SKI: variants seen among roughly 807,000 people sequenced by gnomAD.
SKI encodes SKI proto-oncogene.
Under a neutral mutation model 59.3 loss-of-function variants are expected in SKI, and 23 were observed. The ratio of observed to expected loss-of-function variants is 0.39; its 90% CI spans 0.28 to 0.55. The LOEUF (loss-of-function observed/expected upper bound fraction) is 0.55, where lower values mean the gene tolerates loss of function less well. Among genes scored for constraint, SKI ranks in the 20% least tolerant of loss-of-function variants. SKI has a pLI of 0.67. For missense variants in SKI, 1,017 were observed against 1,038.9 expected (o/e 0.98, Z 0.29); for synonymous variants, 673 against 488.6 (o/e 1.38, Z -4.98).
chr1:2,280,066 C>T (rs1021362346), intron 1 of SKI, among the ~76,000 whole-genome samples: 4 of 152,144 alleles, frequency 2.6e-5, no homozygotes, highest in South Asian at 2.1e-4. Context: ...ACCTGAACCC[C>T]CTCTGGAAGG....
chr1:2,306,396 C>G, intron 6 of SKI, 146 bp downstream of exon 6: 2 of 1,004,842 alleles, frequency 2.0e-6, no homozygotes, highest in Admixed American at 2.7e-5. Context: ...CCGACGGGCA[C>G]AGGGTGGGTG....
chr1:2,262,882 A>G (rs1639418132), intron 1 of SKI, among the ~76,000 whole-genome samples: 1 of 152,042 alleles, frequency 6.6e-6, no homozygotes, highest in Non-Finnish European at 1.5e-5. Context: ...ATTATTTTAG[A>G]ATATTGTTGA....
rs553382550 is a variant in SKI, at chr1:2,302,970, G to C, written c.970-8G>C. On this transcript the variant is annotated splice_polypyrimidine_tract_variant and splice_region_variant and intron_variant, in intron 1 of 6. Transcript: ENST00000378536. The stretch of plus-strand genomic sequence containing the variant: ...ACAGGTGCCAACAAAACCTTTCATT[G>C]ATCGCAGGTCTCCTCTGAGCCTCCG... 1.2e-6 allele frequency: 2 copies of C among 1,613,426 alleles called. No individual in the cohort carries two copies. Among genetic ancestry groups the C allele is most frequent in the Admixed American group, 3.3e-5 (2 of 60,032 alleles).
In SKI at chr1:2,290,265, C is replaced by T. The variant is rs1640132500; in HGVS notation, c.970-12713C>T. ...CTACTTCTCAGCCTCTTGAGAGGGCCTCCAGGGCACAGGCAGGGAGCAGCT... is the reference window on the plus strand; with the variant it reads ...CTACTTCTCAGCCTCTTGAGAGGGCTTCCAGGGCACAGGCAGGGAGCAGCT... On this transcript the variant is annotated intron_variant, in intron 1 of 6. Coordinates refer to ENST00000378536, the MANE Select transcript of SKI (RefSeq NM_003036.4). 3.9e-5 allele frequency among the ~76,000 whole-genome samples: 6 copies of T among 152,264 alleles called. No individual in the cohort carries two copies. The South Asian group carries it at 1.2e-3, about 32-fold the overall frequency.
chr1:2,279,139 C>T (rs973059315), intron 1 of SKI, among the ~76,000 whole-genome samples: 7 of 152,330 alleles, frequency 4.6e-5, no homozygotes, highest in Middle Eastern at 3.4e-3. Flanking sequence ...GGCCCTCCAC[C>T]GCCCCATTGG....
In SKI at chr1:2,263,723, G is replaced by A. The variant is rs565418030; in HGVS notation, c.969+33988G>A. Among the ~76,000 whole-genome samples the A allele has an allele frequency of 4.0e-5, 6 of 151,834 alleles. 1 individual carries two copies. The South Asian group carries it at 8.3e-4, about 21-fold the overall frequency. On this transcript the variant is annotated intron_variant, in intron 1 of 6. Transcript: ENST00000378536. ...AAAATGTTTGGTGGGGGGACTGGGC[G>A]CGGTGGCTCATGCCTGTAATCCCAG...
rs1472895791 is a variant in SKI at position 2,304,309 on chromosome 1, C to T, written c.1491C>T (p.Ser497=). 6.4e-7 allele frequency: 1 copy of T among 1,551,700 alleles called. No homozygotes were observed. The highest frequency in any genetic ancestry group is 2.0e-5 in the Admixed American group (1 of 51,014). ...ESREEFTSSL[S]SLSSPSFTSS... The stretch of plus-strand genomic sequence containing the variant: ...CCTCCTCAGTCACCTCCTCCTTGTC[C>T]TCGCTCTCTTCCCCGTCCTTTACCT... Residue 497 remains serine (S), a synonymous_variant, in exon 5 of 7, where the codon TCC becomes TCT. Transcript: ENST00000378536.
chr1:2,276,786 CG>C (rs1006990958), intron 1 of SKI, among the ~76,000 whole-genome samples: 1 of 152,160 alleles, frequency 6.6e-6, no homozygotes, highest in Non-Finnish European at 1.5e-5. Flanking sequence ...GCTGTCTTTG[CG>C]TAACTTAGGA....
intron 1 of SKI, among the ~76,000 whole-genome samples, chr1:2,241,917 GTGCGATGGATGGGTCTTCCGTGCA>G: frequency 6.6e-6 from 1 of 152,352 alleles, no homozygotes; most frequent in South Asian, 2.1e-4. Flanking sequence ...ACAGCACTGC[GTGCGATGGATGGGTCTTCCGTGCA>G]TGCCTGTCTG....
At chr1:2,292,075 G>A (rs1640174031) in intron 1 of SKI, among the ~76,000 whole-genome samples, 1 of 152,350 alleles carries the variant, frequency 6.6e-6, no homozygotes, top group Non-Finnish European at 1.5e-5. Flanking sequence ...AAGGCCCATA[G>A]CTCACGTGAG....
At chr1:2,259,065 T>C (rs1355080806) in intron 1 of SKI, among the ~76,000 whole-genome samples, 6 of 152,250 alleles carry the variant, frequency 3.9e-5, no homozygotes, top group Admixed American at 3.9e-4. Flanking sequence ...GAATTCTGGG[T>C]TCCCAGGTCC....
In SKI at chr1:2,303,113, G is replaced by A; in HGVS notation, c.1095+10G>A. On this transcript the variant is annotated intron_variant, in intron 2 of 6. Coordinates refer to ENST00000378536, the MANE Select transcript of SKI (RefSeq NM_003036.4). This position sits in a 1 kb window ranked among gnomAD's most constrained non-coding sequence, Gnocchi z 5.6. ...CGGCTCTTCCAATAAGGTGCTGTGGGGCCTGTCGGGGTCCTTGGGGTGGTG... is the reference window on the plus strand; with the variant it reads ...CGGCTCTTCCAATAAGGTGCTGTGGAGCCTGTCGGGGTCCTTGGGGTGGTG... 1 of 1,613,152 alleles carries A rather than the reference G, an allele frequency of 6.2e-7. No homozygotes were observed. Among genetic ancestry groups the A allele is most frequent in the Non-Finnish European group, 8.5e-7 (1 of 1,180,018 alleles).
chr1:2,286,188 C>G (rs1188413713), intron 1 of SKI, among the ~76,000 whole-genome samples: 1 of 152,208 alleles, frequency 6.6e-6, no homozygotes, highest in African/African-American at 2.4e-5. Flanking sequence ...TCATCTTTAC[C>G]TTGTGTAATG....
chr1:2,235,377 G>A (rs781177686), intron 1 of SKI, among the ~76,000 whole-genome samples: 2 of 152,156 alleles, frequency 1.3e-5, no homozygotes, highest in African/African-American at 2.4e-5. Flanking sequence ...AGGCATCCCC[G>A]GGGTCTGCGG....
intron 1 of SKI, among the ~76,000 whole-genome samples, chr1:2,280,600 G>C (rs1237946690): frequency 6.7e-6 from 1 of 148,322 alleles, no homozygotes; most frequent in Non-Finnish European, 1.5e-5. Context: ...GCGATCTTCA[G>C]AGAGAAGATG....
rs758887073 is a variant in SKI at position 2,270,470 on chromosome 1, C to T, written c.970-32508C>T. Among the ~76,000 whole-genome samples the T allele has an allele frequency of 1.6e-4, 25 of 152,184 alleles. No individual in the cohort carries two copies. Among genetic ancestry groups the T allele is most frequent in the South Asian group, 4.1e-4 (2 of 4,830 alleles). On this transcript the variant is annotated intron_variant, in intron 1 of 6. Coordinates refer to ENST00000378536, the MANE Select transcript of SKI (RefSeq NM_003036.4). The surrounding 1 kb of genome is among the most constrained non-coding windows in gnomAD (Gnocchi z 4.1). ...GGGCTTTGTCCCGTTTACGAGAGGT[C>T]AGGCGGTCACAGGGTAATGGGAGGC...
rs963104826 is a variant in SKI, at chr1:2,260,782, G to A, written c.969+31047G>A. Among the ~76,000 whole-genome samples, 6 of 151,888 alleles carry A rather than the reference G, an allele frequency of 4.0e-5. No homozygotes were observed. In the South Asian group the frequency reaches 8.3e-4, roughly 21 times the overall value. The stretch of plus-strand genomic sequence containing the variant: ...TTGCGAACTCTAGCTCAAATGATCC[G>A]CCTGCCTTGGCCTCCCAAAGTGCTG... On this transcript the variant is annotated intron_variant, in intron 1 of 6. Transcript: ENST00000378536.
intron 1 of SKI, among the ~76,000 whole-genome samples, chr1:2,274,431 G>A (rs1435245661): frequency 2.0e-5 from 3 of 152,056 alleles, no homozygotes; most frequent in African/African-American, 7.2e-5. Flanking sequence ...TTCCCCGTGG[G>A]CGCCGAGGGT....
chr1:2,306,501 CCTCG>C (rs1242649139), intron 6 of SKI, 72 bp from the exon 7 acceptor site: 2 of 1,438,358 alleles, frequency 1.4e-6, no homozygotes, highest in African/African-American at 1.4e-5. Flanking sequence ...GGCGCAGGAG[CCTCG>C]GGTGGGGGAA....
Sources: gnomAD v4.1 joint callset for allele counts (sites outside exome capture counted in the v4.1 genomes callset) on GRCh38, gnomAD v4.1.1 for gene constraint, Gnocchi (gnomAD v3.1) non-coding constraint, MANE v1.5 for transcripts, NCBI Gene and HGNC (gene_info 2026-07-23, HGNC 2026-07-21) for gene names.